Variants in PYGB observed in about 807,000 individuals in gnomAD.
The protein encoded by PYGB is glycogen phosphorylase B.
Under a neutral mutation model 94.3 loss-of-function variants are expected in PYGB, and 82 were observed. The ratio of observed to expected loss-of-function variants is 0.87; its 90% CI spans 0.73 to 1.04. The LOEUF is 1.04. Ranked by LOEUF, PYGB falls within the 50% of genes least tolerant of loss-of-function variation. The probability of loss-of-function intolerance (pLI) is 0.00; values close to 1 mark genes in which losing one functional copy is unlikely to be tolerated. For synonymous variants in PYGB, 488 were observed against 479.1 expected, an observed-to-expected ratio of 1.02 and a Z score of -0.24; for missense variants, 1,132 against 1,158.2, an observed-to-expected ratio of 0.98 and a Z score of 0.33.
intron 12 of PYGB, among the ~76,000 whole-genome samples, 188 bp from the exon 13 acceptor site, chr20:25,282,988 T>C (rs1310332831): frequency 6.6e-6 from 1 of 152,034 alleles, no homozygotes; most frequent in Admixed American, 6.5e-5. Context: ...CAGAGCCCTC[T>C]CAGAAGAGGA....
At chr20:25,284,694 G>A (rs2088402185) in intron 14 of PYGB, among the ~76,000 whole-genome samples, 1 of 152,212 alleles carries the variant, frequency 6.6e-6, no homozygotes, top group African/African-American at 2.4e-5. Context: ...CCAAAAGGCT[G>A]GGGTTATAGG....
At chr20:25,286,734 G>A (rs2088421336) in intron 14 of PYGB, among the ~76,000 whole-genome samples, 1 of 152,190 alleles carries the variant, frequency 6.6e-6, no homozygotes. Flanking sequence ...TTGTGGGAGA[G>A]GCGCTTGCCC....
In PYGB at chr20:25,290,565, G is replaced by A. The variant is rs777960780; in HGVS notation, c.1912G>A (p.Gly638Ser). Reference sequence around the variant, plus strand: ...CGTCGTCAATCATGACCCAGTTGTGGGTGACAGGTTGAAAGTGATCTTCCT... The same window carrying A: ...CGTCGTCAATCATGACCCAGTTGTGAGTGACAGGTTGAAAGTGATCTTCCT... ...GDVVNHDPVV[G>S]DRLKVIFLEN... Residue 638 changes from glycine (G) to serine (S), a missense_variant, in exon 16 of 20, where the codon GGT becomes AGT. Physicochemically the swap from Gly to Ser is moderately conservative, Grantham distance 56. Transcript: ENST00000216962. The A allele has an allele frequency of 2.5e-6, 4 of 1,611,004 alleles. No homozygotes were observed. Among genetic ancestry groups the A allele is most frequent in the Non-Finnish European group, 3.4e-6 (4 of 1,177,270 alleles).
chr20:25,272,453 C>A (rs753841250), intron 4 of PYGB, among the ~76,000 whole-genome samples: 4 of 152,208 alleles, frequency 2.6e-5, no homozygotes, highest in African/African-American at 9.6e-5. Context: ...GTCCATGACA[C>A]GCACAGCGAT....
intron 2 of PYGB, among the ~76,000 whole-genome samples, chr20:25,266,248 A>AT (rs1257324153): frequency 8.6e-6 from 1 of 115,624 alleles, no homozygotes; most frequent in Non-Finnish European, 1.8e-5. Flanking sequence ...ATATAGATCA[A>AT]TTGATTTTTT....
At position 25,280,397 on chromosome 20, in the gene PYGB, C is replaced by T. The variant is rs2088355196; in HGVS notation, c.1224C>T (p.Asn408=). Residue 408 remains asparagine, a synonymous_variant, in exon 10 of 20, where the codon AAC becomes AAT. Transcript: ENST00000216962. ...PRHLEIIYAI[N]QRHLDHVAAL... The stretch of plus-strand genomic sequence containing the variant: ...ACCTGGAGATAATCTATGCCATCAA[C>T]CAGCGGCACCTGGACGTGAGTGTGG... 4 of 1,614,108 alleles carry T rather than the reference C, an allele frequency of 2.5e-6. No homozygotes were observed. Among genetic ancestry groups the T allele is most frequent in the Non-Finnish European group, 2.5e-6 (3 of 1,180,000 alleles).
At chr20:25,253,595 A>G (rs572006242) in intron 1 of PYGB, among the ~76,000 whole-genome samples, 1 of 151,676 alleles carries the variant, frequency 6.6e-6, no homozygotes, top group East Asian at 1.9e-4. Context: ...AGACTGCGCC[A>G]TTGCACTCCA....
intron 14 of PYGB, among the ~76,000 whole-genome samples, chr20:25,286,044 G>T (rs1156526249): frequency 6.6e-6 from 1 of 152,192 alleles, no homozygotes; most frequent in Admixed American, 6.5e-5. Context: ...GCACTGTCTG[G>T]AGGGTGGGTG....
At chr20:25,257,680 A>G (rs67704588) in intron 1 of PYGB, among the ~76,000 whole-genome samples, 19,440 of 152,114 alleles carry the variant, frequency 0.13, 2,048 homozygotes, top group East Asian at 0.58. Context: ...AAAAATATAC[A>G]TTTTTAGTTA....
intron 14 of PYGB, among the ~76,000 whole-genome samples, chr20:25,287,519 G>T (rs1046077247): frequency 2.6e-5 from 4 of 152,068 alleles, no homozygotes; most frequent in Admixed American, 1.3e-4. Flanking sequence ...GTAACCTGTC[G>T]GTGCCTGTAG....
chr20:25,273,470 C>T (rs1321645060), intron 4 of PYGB, among the ~76,000 whole-genome samples: 1 of 152,204 alleles, frequency 6.6e-6, no homozygotes, highest in East Asian at 1.9e-4. Flanking sequence ...CTCAGTGTAG[C>T]ATACTAGGGC....
At chr20:25,287,708 G>C (rs1359979367) in intron 14 of PYGB, among the ~76,000 whole-genome samples, 1 of 152,064 alleles carries the variant, frequency 6.6e-6, no homozygotes, top group Non-Finnish European at 1.5e-5. Flanking sequence ...TGCGAGGCGC[G>C]GTAGCTCACG....
rs1263402713 is a variant in PYGB at position 25,257,352 on chromosome 20, A to G, written c.244-1885A>G. ...GCAGAACCCTCGATGTCTGCATGCA[A>G]CCTGGACAATTGGAGACGCACAGGC... On this transcript the variant is annotated intron_variant, in intron 1 of 19. Transcript: ENST00000216962. Among the ~76,000 whole-genome samples, 3 of 152,226 alleles carry G rather than the reference A, an allele frequency of 2.0e-5. 1 individual carries two copies. Among genetic ancestry groups the G allele is most frequent in the Admixed American group, 1.3e-4 (2 of 15,288 alleles).
chr20:25,280,214 G>A, intron 9 of PYGB, 52 bp from the exon 10 acceptor site: 1 of 1,596,054 alleles, frequency 6.3e-7, no homozygotes, highest in Non-Finnish European at 8.6e-7. Flanking sequence ...CAACTGGCCA[G>A]AGAGCTGCTT....
In PYGB at chr20:25,279,045, T is replaced by C; in HGVS notation, c.1000-12T>C. On this transcript the variant is annotated splice_polypyrimidine_tract_variant and intron_variant, in intron 8 of 19. Transcript: ENST00000216962. ...TGAAATGACTGAATGGCACCCCTTG[T>C]GCGACCTTCAGGTGGCCATCCAGCT... 6.2e-7 allele frequency: 1 copy of C among 1,606,270 alleles called. No individual in the cohort carries two copies. Among genetic ancestry groups the C allele is most frequent in the East Asian group, 2.2e-5 (1 of 44,640 alleles).
rs201366222 is a variant in PYGB, at chr20:25,281,005, C to G, written c.1296C>G (p.Ile432Met). Residue 432 changes from isoleucine (I) to methionine (M), a missense_variant, in exon 11 of 20, where the codon ATC becomes ATG. By Grantham distance (10) the Ile-to-Met change is conservative. Transcript: ENST00000216962. ...DVDRLRRMSV[I>M]EEGDCKRINM... Reference sequence around the variant, plus strand: ...ACCGCCTGCGCAGGATGTCTGTGATCGAGGAGGGGGACTGCAAGCGGATCA... The same window carrying G: ...ACCGCCTGCGCAGGATGTCTGTGATGGAGGAGGGGGACTGCAAGCGGATCA... The G allele has an allele frequency of 1.4e-5, 22 of 1,614,012 alleles. No individual in the cohort carries two copies. Among genetic ancestry groups the G allele is most frequent in the Non-Finnish European group, 1.7e-5 (20 of 1,180,022 alleles).
chr20:25,296,641 TC>T lies in PYGB; in HGVS notation c.*121del. ...TCCCTGCTTTTCTGAGTACCATGTT[TC>T]CAGGAGGGGCCATGGGGGTCAGGGT... On this transcript the variant is annotated 3_prime_UTR_variant, in exon 20 of 20. Transcript: ENST00000216962. The T allele has an allele frequency of 7.5e-7, 1 of 1,331,012 alleles. No individual in the cohort carries two copies. Among genetic ancestry groups the T allele is most frequent in the Non-Finnish European group, 1.0e-6 (1 of 986,124 alleles). 82.5% of individuals were successfully genotyped at this position (1,331,012 alleles called of 1,614,324 possible). A position where few individuals can be genotyped will look rare whatever the true frequency, so the allele number is the denominator to read the frequency against.
chr20:25,250,356 C>A (rs1476611775), intron 1 of PYGB, among the ~76,000 whole-genome samples: 1 of 152,154 alleles, frequency 6.6e-6, no homozygotes, highest in East Asian at 1.9e-4. Flanking sequence ...ATAGTCCCTG[C>A]AACAAAACAG....
At chr20:25,254,706 G>A (rs1313198252) in intron 1 of PYGB, among the ~76,000 whole-genome samples, 1 of 152,210 alleles carries the variant, frequency 6.6e-6, no homozygotes, top group Non-Finnish European at 1.5e-5. Flanking sequence ...GTTTGACACG[G>A]TCCAGATCAC....
Sources: allele counts gnomAD v4.1 joint callset (sites outside exome capture counted in the v4.1 genomes callset), GRCh38; gene constraint gnomAD v4.1.1; transcripts MANE v1.5; gene names NCBI Gene and HGNC (gene_info 2026-07-23, HGNC 2026-07-21).